AGO1: variants seen among roughly 807,000 people sequenced by gnomAD.
AGO1 encodes the protein protein argonaute-1.
Under a neutral mutation model 109.2 loss-of-function variants are expected in AGO1, and 11 were observed. That is an observed-to-expected ratio of 0.10 (90% CI 0.06 to 0.17). The LOEUF (loss-of-function observed/expected upper bound fraction) is 0.17, where lower values mean the gene tolerates loss of function less well. Among genes scored for constraint, AGO1 ranks in the 10% least tolerant of loss-of-function variants. The probability of loss-of-function intolerance (pLI) is 1.00; values close to 1 mark genes in which losing one functional copy is unlikely to be tolerated. For synonymous variants in AGO1, 422 were observed against 418.6 expected, an observed-to-expected ratio of 1.01 and a Z score of -0.10; for missense variants, 574 against 1,140.3, an observed-to-expected ratio of 0.50 and a Z score of 7.15.
chr1:35,888,569 G>A lies in AGO1; in HGVS notation c.168G>A (p.Glu56=). 6.2e-7 allele frequency: 1 copy of A among 1,614,206 alleles called. No individual in the cohort carries two copies. Among genetic ancestry groups the A allele is most frequent in the African/African-American group, 1.3e-5 (1 of 75,046 alleles). Residue 56 remains glutamate (E), a synonymous_variant, in exon 2 of 19, where the codon GAG becomes GAA. Transcript: ENST00000373204. This position sits in a 1 kb window ranked among gnomAD's most constrained non-coding sequence, Gnocchi z 4.1. The stretch of plus-strand genomic sequence containing the variant: ...CTAAGATCGACGTGTACCACTACGA[G>A]GTGGACATCAAGCCGGATAAGTGTC... The part of the protein sequence containing the change: ...DIPKIDVYHY[E]VDIKPDKCPR...
At chr1:35,908,530 G>A (rs1645569605) in intron 12 of AGO1, among the ~76,000 whole-genome samples, 1 of 152,270 alleles carries the variant, frequency 6.6e-6, no homozygotes, top group Non-Finnish European at 1.5e-5. Flanking sequence ...CACCTATTAT[G>A]TATGGAACAC....
Position 35,901,389 on chromosome 1 carries a change from C to A in AGO1, c.1021-85C>A. 6.4e-7 allele frequency: 1 copy of A among 1,572,308 alleles called. No homozygotes were observed. The highest frequency in any genetic ancestry group is 8.7e-7 in the Non-Finnish European group (1 of 1,153,416). On this transcript the variant is annotated intron_variant, in intron 8 of 18. Coordinates refer to ENST00000373204, the MANE Select transcript of AGO1 (RefSeq NM_012199.5). The surrounding 1 kb of genome is among the most constrained non-coding windows in gnomAD (Gnocchi z 4.8). ...AGTTCCCTTCCCCATGGCTGACAGCCAAGGTATCTTTCCTTATTGTGGGGC... is the reference window on the plus strand; with the variant it reads ...AGTTCCCTTCCCCATGGCTGACAGCAAAGGTATCTTTCCTTATTGTGGGGC...
upstream of AGO1, among the ~76,000 whole-genome samples, chr1:35,878,507 C>G (rs964474641): frequency 1.4e-4 from 21 of 152,192 alleles, no homozygotes; most frequent in Non-Finnish European, 1.5e-5. Context: ...TGGACTGGCT[C>G]AATTACATCC....
chr1:35,870,678 T>C (rs1372769890), intron 1 of AGO1, among the ~76,000 whole-genome samples: 1 of 152,250 alleles, frequency 6.6e-6, no homozygotes, highest in Non-Finnish European at 1.5e-5. Flanking sequence ...ATATTATTTT[T>C]ACCCTTATTT....
intron 8 of AGO1, among the ~76,000 whole-genome samples, chr1:35,900,676 G>A (rs567778246): frequency 4.6e-5 from 7 of 152,248 alleles, no homozygotes; most frequent in East Asian, 1.9e-4. Context: ...GCAGTAAGCC[G>A]AGATCGTGCC....
intron 11 of AGO1, among the ~76,000 whole-genome samples, chr1:35,904,046 A>G (rs1433840032): frequency 1.3e-5 from 2 of 150,158 alleles, no homozygotes; most frequent in Admixed American, 6.6e-5. Context: ...CCCCTCACAG[A>G]TACACAAACA....
Position 35,927,646 on chromosome 1 carries a change from A to T in AGO1, c.*8039A>T, listed in dbSNP as rs1417796906. ...TAAGATCATCCATCAGGAGTGGCTT[A>T]GATTAATGAATTATCCTTTGAGTCG... On this transcript the variant is annotated 3_prime_UTR_variant, in exon 19 of 19. Coordinates refer to ENST00000373204, the MANE Select transcript of AGO1 (RefSeq NM_012199.5). 6.6e-6 allele frequency: 1 copy of T among 152,232 alleles called. No homozygotes were observed. The highest frequency in any genetic ancestry group is 1.5e-5 in the Non-Finnish European group (1 of 68,040). The allele number at this position is 152,232 out of a possible 1,614,324, so 9.4% of individuals were successfully genotyped here.
intron 1 of AGO1, among the ~76,000 whole-genome samples, chr1:35,875,880 T>C (rs1644988915): frequency 6.6e-6 from 1 of 152,268 alleles, no homozygotes; most frequent in Non-Finnish European, 1.5e-5. Context: ...ACATCCATTC[T>C]GTAGCCTATG....
intron 12 of AGO1, 29 bp downstream of exon 12, chr1:35,907,148 G>A: frequency 1.3e-6 from 2 of 1,584,302 alleles, no homozygotes; most frequent in East Asian, 2.2e-5. Flanking sequence ...AGTGATAATG[G>A]TGATAGGACT....
At chr1:35,898,916 C>A (rs547665129) in intron 8 of AGO1, among the ~76,000 whole-genome samples, 1 of 152,278 alleles carries the variant, frequency 6.6e-6, no homozygotes, top group East Asian at 1.9e-4. Flanking sequence ...GTAAAATTTA[C>A]CATTTTAACC....
rs940323449 is a variant in AGO1, at chr1:35,923,560, C to G, written c.*3953C>G. ...CCAGGATGGTAGCTGGAATACCTTC[C>G]TTCTTAAAATCTGATCATGGCAGGG... On this transcript the variant is annotated 3_prime_UTR_variant, in exon 19 of 19. Transcript: ENST00000373204. The G allele has an allele frequency of 2.0e-5, 3 of 152,622 alleles. No homozygotes were observed. The highest frequency in any genetic ancestry group is 4.4e-5 in the Non-Finnish European group (3 of 68,010). 9.5% of individuals were successfully genotyped at this position (152,622 alleles called of 1,614,324 possible). A position where few individuals can be genotyped will look rare whatever the true frequency, so the allele number is the denominator to read the frequency against.
chr1:35,900,486 GGGAGGC>G, intron 8 of AGO1, among the ~76,000 whole-genome samples: 1 of 152,282 alleles, frequency 6.6e-6, no homozygotes, highest in Non-Finnish European at 1.5e-5. Flanking sequence ...CCAGCACTTT[GGGAGGC>G]GGAGGTGGGT....
rs1645955865 is a variant in AGO1, at chr1:35,927,641, GGC to G, written c.*8035_*8036del. ...GCAAGTAAGATCATCCATCAGGAGT[GGC>G]TTAGATTAATGAATTATCCTTTGAG... is the stretch of plus-strand genomic sequence containing the variant. On this transcript the variant is annotated 3_prime_UTR_variant, in exon 19 of 19. Transcript: ENST00000373204. 1 of 152,178 alleles carries G rather than the reference GGC, an allele frequency of 6.6e-6. No individual in the cohort carries two copies. Among genetic ancestry groups the G allele is most frequent in the Admixed American group, 6.5e-5 (1 of 15,278 alleles). 9.4% of individuals were successfully genotyped at this position (152,178 alleles called of 1,614,324 possible).
At position 35,893,093 on chromosome 1, in the gene AGO1, G is replaced by C; in HGVS notation, c.331-4G>C. On this transcript the variant is annotated splice_polypyrimidine_tract_variant and splice_region_variant and intron_variant, in intron 3 of 18. Coordinates refer to ENST00000373204, the MANE Select transcript of AGO1 (RefSeq NM_012199.5). This position sits in a 1 kb window ranked among gnomAD's most constrained non-coding sequence, Gnocchi z 5.6. ...CTTCATCCCTTTCTTTCACCCTCCT[G>C]AAGGTCGACTTTGAGGTGACAATCC... The C allele has an allele frequency of 6.2e-7, 1 of 1,613,474 alleles. No homozygotes were observed. Among genetic ancestry groups the C allele is most frequent in the Non-Finnish European group, 8.5e-7 (1 of 1,179,642 alleles).
In AGO1 at chr1:35,921,335, G is replaced by A. The variant is rs1038777167; in HGVS notation, c.*1728G>A. 5 of 145,016 alleles carry A rather than the reference G, an allele frequency of 3.4e-5. No homozygotes were observed. The highest frequency in any genetic ancestry group is 1.0e-4 in the African/African-American group (4 of 38,672). The allele number at this position is 145,016 out of a possible 1,614,324, so 9.0% of individuals were successfully genotyped here. A position where few individuals can be genotyped will look rare whatever the true frequency, so the allele number is the denominator to read the frequency against. On this transcript the variant is annotated 3_prime_UTR_variant, in exon 19 of 19. Transcript: ENST00000373204. The stretch of plus-strand genomic sequence containing the variant: ...AGACATGGGGTTTGGCTGTCTTGCA[G>A]GACTGGAGAAGGTGGTGGTTCTAGC...
chr1:35,888,092 T>C lies in AGO1; in HGVS notation c.26-335T>C, dbSNP rs969408274. ...AGATACCTGGTGGAGGCAAGTGTCTTACTCTACTAGAAGAAAGAAAGGGTT... is the reference window on the plus strand; with the variant it reads ...AGATACCTGGTGGAGGCAAGTGTCTCACTCTACTAGAAGAAAGAAAGGGTT... On this transcript the variant is annotated intron_variant, in intron 1 of 18. Coordinates refer to ENST00000373204, the MANE Select transcript of AGO1 (RefSeq NM_012199.5). This position sits in a 1 kb window ranked among gnomAD's most constrained non-coding sequence, Gnocchi z 4.1. Among the ~76,000 whole-genome samples the C allele has an allele frequency of 2.0e-5, 3 of 152,236 alleles. No individual in the cohort carries two copies. The highest frequency in any genetic ancestry group is 6.5e-5 in the Admixed American group (1 of 15,290).
chr1:35,893,291 G>GT lies in AGO1; in HGVS notation c.512+15dup. The GT allele has an allele frequency of 1.9e-6, 3 of 1,610,270 alleles. No homozygotes were observed. Among genetic ancestry groups the GT allele is most frequent in the Non-Finnish European group, 2.5e-6 (3 of 1,177,094 alleles). On this transcript the variant is annotated intron_variant, in intron 4 of 18. Coordinates refer to ENST00000373204, the MANE Select transcript of AGO1 (RefSeq NM_012199.5). This position sits in a 1 kb window ranked among gnomAD's most constrained non-coding sequence, Gnocchi z 5.6. ...TGGCATCCATGAGGTATTGGGTGTA[G>GT]TTAGTATCTGGGCTACTAGTGTTGG...
intron 17 of AGO1, among the ~76,000 whole-genome samples, chr1:35,918,845 T>G (rs978667402): frequency 3.3e-5 from 5 of 152,218 alleles, no homozygotes; most frequent in African/African-American, 4.8e-5. Flanking sequence ...CATGAGCCAC[T>G]GTGCCCGGCC....
intron 11 of AGO1, among the ~76,000 whole-genome samples, chr1:35,904,752 G>C (rs1645488769): frequency 6.6e-6 from 1 of 152,190 alleles, no homozygotes; most frequent in Admixed American, 6.5e-5. Context: ...GTCATCTATA[G>C]CAGTGGCTGA....
Sources: gnomAD v4.1 joint callset for allele counts (sites outside exome capture counted in the v4.1 genomes callset) on GRCh38, gnomAD v4.1.1 for gene constraint, Gnocchi (gnomAD v3.1) non-coding constraint, MANE v1.5 for transcripts, NCBI Gene and HGNC (gene_info 2026-07-23, HGNC 2026-07-21) for gene names.